Variants in PARD3B observed in about 807,000 individuals in gnomAD.
The protein encoded by PARD3B is par-3 family cell polarity regulator beta.
PARD3B carries 103 observed loss-of-function variants against 130.2 expected under a neutral mutation model. That is an observed-to-expected ratio of 0.79 (90% CI 0.67 to 0.93). The LOEUF (loss-of-function observed/expected upper bound fraction) is 0.93. Among genes scored for constraint, PARD3B ranks in the 40% least tolerant of loss-of-function variants. The pLI is 0.00. For missense variants in PARD3B, 1,609 were observed against 1,499.2 expected, an observed-to-expected ratio of 1.07 and a Z score of -1.21; for synonymous variants, 583 against 553.2, an observed-to-expected ratio of 1.05 and a Z score of -0.76.
intron 21 of PARD3B, among the ~76,000 whole-genome samples, chr2:205,519,206 T>C (rs1158543177): frequency 6.6e-6 from 1 of 152,312 alleles, no homozygotes; most frequent in Admixed American, 6.5e-5. Flanking sequence ...TTTCTCCCCC[T>C]CCCTTTCAGG....
intron 18 of PARD3B, among the ~76,000 whole-genome samples, chr2:205,368,724 C>T (rs955182287): frequency 6.6e-6 from 1 of 152,172 alleles, no homozygotes; most frequent in Non-Finnish European, 1.5e-5. Context: ...TGTGATCTTA[C>T]TTTTAATTAC....
chr2:204,804,445 A>G (rs2042690739), intron 2 of PARD3B, among the ~76,000 whole-genome samples: 1 of 152,212 alleles, frequency 6.6e-6, no homozygotes, highest in African/African-American at 2.4e-5. Context: ...GCAAGAGGAT[A>G]TCACAGTTGT....
chr2:204,784,528 G>A (rs906610108), intron 2 of PARD3B, among the ~76,000 whole-genome samples: 1 of 152,160 alleles, frequency 6.6e-6, no homozygotes, highest in African/African-American at 2.4e-5. Context: ...CATTCATGTG[G>A]TGTGTTAAAT....
At chr2:204,803,271 A>G (rs1006656162) in intron 2 of PARD3B, among the ~76,000 whole-genome samples, 15 of 151,552 alleles carry the variant, frequency 9.9e-5, no homozygotes, top group Middle Eastern at 3.4e-3. Flanking sequence ...GACCGGTTCT[A>G]TAAGAAGTGC....
chr2:204,662,606 A>G (rs2035860568), intron 1 of PARD3B, among the ~76,000 whole-genome samples: 1 of 152,212 alleles, frequency 6.6e-6, no homozygotes, highest in Non-Finnish European at 1.5e-5. Flanking sequence ...GTCACATAGA[A>G]TATTAAAGAT....
intron 4 of PARD3B, among the ~76,000 whole-genome samples, chr2:205,060,889 G>A (rs1700027265): frequency 6.6e-6 from 1 of 152,136 alleles, no homozygotes; most frequent in East Asian, 1.9e-4. Context: ...CTAGGGTCAT[G>A]TATAGAGAAC....
At chr2:205,087,975 G>A (rs531494394) in intron 4 of PARD3B, among the ~76,000 whole-genome samples, 4 of 152,298 alleles carry the variant, frequency 2.6e-5, no homozygotes, top group African/African-American at 4.8e-5. Context: ...GGACATCAGA[G>A]TTAAGCCAAT....
intron 4 of PARD3B, among the ~76,000 whole-genome samples, chr2:205,086,743 G>A (rs1357788632): frequency 6.6e-6 from 1 of 152,180 alleles, no homozygotes; most frequent in East Asian, 1.9e-4. Context: ...GAGAAGCAAA[G>A]ATTTAGGGCC....
intron 18 of PARD3B, among the ~76,000 whole-genome samples, chr2:205,371,276 C>T (rs2044805620): frequency 6.6e-6 from 1 of 152,150 alleles, no homozygotes; most frequent in Non-Finnish European, 1.5e-5. Context: ...TTCAGCCTGA[C>T]ATTGAGAATC....
intron 2 of PARD3B, among the ~76,000 whole-genome samples, chr2:204,706,780 A>G (rs1350070729): frequency 1.3e-5 from 2 of 152,184 alleles, no homozygotes; most frequent in East Asian, 3.9e-4. Context: ...CATCTACTAC[A>G]TACTAAGTAA....
At chr2:205,053,506 G>T (rs1699378481) in intron 4 of PARD3B, among the ~76,000 whole-genome samples, 1 of 151,910 alleles carries the variant, frequency 6.6e-6, no homozygotes, top group South Asian at 2.1e-4. Context: ...CAGGCTTGGT[G>T]GTGTGTGCCT....
chr2:205,365,813 A>G (rs2044587344), intron 18 of PARD3B, among the ~76,000 whole-genome samples: 2 of 152,198 alleles, frequency 1.3e-5, no homozygotes, highest in South Asian at 4.1e-4. Context: ...GATAGGCTTC[A>G]GATGAATAAA....
chr2:205,523,812 A>C (rs1343780064), intron 21 of PARD3B, among the ~76,000 whole-genome samples: 1 of 131,940 alleles, frequency 7.6e-6, no homozygotes, highest in East Asian at 2.3e-4. Flanking sequence ...TCTCTCTGAT[A>C]ACCTTTTTTT....
At chr2:204,621,249 A>G (rs1403758968) in intron 1 of PARD3B, among the ~76,000 whole-genome samples, 1 of 152,206 alleles carries the variant, frequency 6.6e-6, no homozygotes, top group Non-Finnish European at 1.5e-5. Context: ...TGGGGTTAGG[A>G]CGACAAAACT....
At chr2:204,563,847 C>T (rs755330520) in intron 1 of PARD3B, among the ~76,000 whole-genome samples, 1 of 152,162 alleles carries the variant, frequency 6.6e-6, no homozygotes, top group Non-Finnish European at 1.5e-5. Flanking sequence ...TATGTCGGCT[C>T]ACTGCCAGAT....
chr2:205,363,000 G>A lies in PARD3B; in HGVS notation c.2631-38013G>A, dbSNP rs970594585. On this transcript the variant is annotated intron_variant, in intron 18 of 22. Transcript: ENST00000406610. Reference sequence around the variant, plus strand: ...GAGAAGTAGTCTTCCACCAAGTGCTGCGACTGGGGGAGTCAGGGAGGCTCT... The same window carrying A: ...GAGAAGTAGTCTTCCACCAAGTGCTACGACTGGGGGAGTCAGGGAGGCTCT... 2.6e-5 allele frequency among the ~76,000 whole-genome samples: 4 copies of A among 151,972 alleles called. No individual in the cohort carries two copies. In the South Asian group the frequency reaches 8.3e-4, roughly 32 times the overall value.
In PARD3B at chr2:205,274,596, GA is replaced by G. The variant is rs2040867744; in HGVS notation, c.2186-25933del. Among the ~76,000 whole-genome samples, 2 of 151,468 alleles carry G rather than the reference GA, an allele frequency of 1.3e-5. No individual in the cohort carries two copies. The highest frequency in any genetic ancestry group is 4.9e-5 in the African/African-American group (2 of 41,218). ...AATTTACATGGTATACTTTTACATT[GA>G]TTTTTTTATAAATCATTTCTACTTA... On this transcript the variant is annotated intron_variant, in intron 16 of 22. Transcript: ENST00000406610. The surrounding 1 kb of genome is among the most constrained non-coding windows in gnomAD (Gnocchi z 4.2).
At chr2:204,978,225 T>A (rs1692360167) in intron 3 of PARD3B, among the ~76,000 whole-genome samples, 1 of 152,206 alleles carries the variant, frequency 6.6e-6, no homozygotes, top group African/African-American at 2.4e-5. Context: ...TGTGTGTCTC[T>A]GAGGTGAGAT....
In PARD3B at chr2:205,577,893, T is replaced by C. The variant is rs1575407695; in HGVS notation, c.3260+24490T>C. ...CCATTGCTTTCCAAAGAAAGTTGTTTCCGTATTTTATGAACTCTTCTATAA... is the reference window on the plus strand; with the variant it reads ...CCATTGCTTTCCAAAGAAAGTTGTTCCCGTATTTTATGAACTCTTCTATAA... On this transcript the variant is annotated intron_variant, in intron 22 of 22. Transcript: ENST00000406610. Among the ~76,000 whole-genome samples, 3 of 152,340 alleles carry C rather than the reference T, an allele frequency of 2.0e-5. 1 individual carries two copies. The highest frequency in any genetic ancestry group is 4.1e-4 in the South Asian group (2 of 4,828).
Sources: allele counts gnomAD v4.1 joint callset (sites outside exome capture counted in the v4.1 genomes callset), GRCh38; gene constraint gnomAD v4.1.1; non-coding constraint Gnocchi (gnomAD v3.1); transcripts MANE v1.5; gene names NCBI Gene and HGNC (gene_info 2026-07-23, HGNC 2026-07-21).